The following ASAP3 variants were observed in gnomAD, a reference collection of about 807,000 sequenced individuals.
ASAP3 encodes arf-GAP with SH3 domain, ANK repeat and PH domain-containing protein 3.
A neutral mutation model predicts 118.2 loss-of-function variants in ASAP3; 85 were observed. That is an observed-to-expected ratio of 0.72 (90% CI 0.60 to 0.86). The LOEUF (loss-of-function observed/expected upper bound fraction) is 0.86, where lower values mean the gene tolerates loss of function less well. Ranked by LOEUF, ASAP3 falls within the 40% of genes least tolerant of loss-of-function variation. The probability of loss-of-function intolerance (pLI) is 0.00; values close to 1 mark genes in which losing one functional copy is unlikely to be tolerated. For synonymous variants in ASAP3, 432 were observed against 477.4 expected, an observed-to-expected ratio of 0.90 and a Z score of 1.24; for missense variants, 1,026 against 1,175.0, an observed-to-expected ratio of 0.87 and a Z score of 1.85.
At chr1:23,439,292 G>A in intron 10 of ASAP3, 62 bp from the exon 11 acceptor site, 2 of 1,541,280 alleles carry the variant, frequency 1.3e-6, no homozygotes, top group South Asian at 2.3e-5. Flanking sequence ...GCAGGTGTCA[G>A]AGAACAGAAA....
intron 1 of ASAP3, among the ~76,000 whole-genome samples, chr1:23,464,886 T>C (rs1450173407): frequency 2.9e-4 from 44 of 152,074 alleles, no homozygotes; most frequent in Admixed American, 2.9e-3. Context: ...TTCTAATGCA[T>C]GCTAAAGTTT....
Position 23,429,730 on chromosome 1 carries a change from G to T in ASAP3, c.*126C>A. 1.1e-6 allele frequency: 1 copy of T among 951,996 alleles called. No individual in the cohort carries two copies. The highest frequency in any genetic ancestry group is 1.5e-6 in the Non-Finnish European group (1 of 647,250). 59.0% of individuals were successfully genotyped at this position (951,996 alleles called of 1,614,324 possible). On this transcript the variant is annotated 3_prime_UTR_variant, in exon 25 of 25. Coordinates refer to ENST00000336689, the MANE Select transcript of ASAP3 (RefSeq NM_017707.4). ...TGTGGCAGGAAGAAGGCCAGCTACA[G>T]AGGCACAAGGGACAGAGAGAGTGAG...
At chr1:23,448,680 T>C (rs1641119997) in intron 5 of ASAP3, among the ~76,000 whole-genome samples, 1 of 152,148 alleles carries the variant, frequency 6.6e-6, no homozygotes, top group Non-Finnish European at 1.5e-5. Context: ...TTGCCCAGGC[T>C]GGTTTCGAAC....
chr1:23,467,689 C>T (rs546556645), intron 1 of ASAP3, among the ~76,000 whole-genome samples: 148 of 152,080 alleles, frequency 9.7e-4, no homozygotes, highest in Non-Finnish European at 1.6e-3. Flanking sequence ...TGGTGGCTCA[C>T]GCCTGTAATC....
chr1:23,441,608 A>G, intron 8 of ASAP3, 47 bp downstream of exon 8: 1 of 1,610,828 alleles, frequency 6.2e-7, no homozygotes, highest in Non-Finnish European at 8.5e-7. Flanking sequence ...ATTTTCCTGG[A>G]AGGACAGGGG....
chr1:23,436,760 C>T lies in ASAP3; in HGVS notation c.1477-106G>A. The T allele has an allele frequency of 6.4e-7, 1 of 1,551,418 alleles. No individual in the cohort carries two copies. The highest frequency in any genetic ancestry group is 8.8e-7 in the Non-Finnish European group (1 of 1,141,660). On this transcript the variant is annotated intron_variant, in intron 15 of 24. Coordinates refer to ENST00000336689, the MANE Select transcript of ASAP3 (RefSeq NM_017707.4). This position sits in a 1 kb window ranked among gnomAD's most constrained non-coding sequence, Gnocchi z 4.2. ...GAGTCCCGCCCCTCGGCCGCCCTCC[C>T]GGTTCAGGCCCCGCCCCTGACCACC... is the stretch of plus-strand genomic sequence containing the variant.
Position 23,438,774 on chromosome 1 carries a change from CCT to C in ASAP3, c.1073_1074del (p.Glu358GlyfsTer25). On this transcript the variant is annotated frameshift_variant, in exon 12 of 25. Transcript: ENST00000336689. LOFTEE classifies it high-confidence loss of function. The surrounding 1 kb of genome is among the most constrained non-coding windows in gnomAD (Gnocchi z 4.9). Reference sequence around the variant, plus strand: ...GTCACCAGGTCGAAGCACTTTTTCTCCTCAGGGTTTGGCCTCACTTGGCACGT... The same window carrying C: ...GTCACCAGGTCGAAGCACTTTTTCTCCAGGGTTTGGCCTCACTTGGCACGT... ...LLTCQVRPNP[E>X]EKKCFDLVTH... 1 of 1,614,156 alleles carries C rather than the reference CCT, an allele frequency of 6.2e-7. No homozygotes were observed. The highest frequency in any genetic ancestry group is 1.3e-5 in the African/African-American group (1 of 75,030).
At chr1:23,465,296 A>G (rs1570395098) in intron 1 of ASAP3, among the ~76,000 whole-genome samples, 1 of 152,248 alleles carries the variant, frequency 6.6e-6, no homozygotes, top group Non-Finnish European at 1.5e-5. Flanking sequence ...GGACCACAGC[A>G]GACCTCTGCC....
chr1:23,442,746 C>A, intron 5 of ASAP3, 134 bp from the exon 6 acceptor site: 3 of 1,346,104 alleles, frequency 2.2e-6, no homozygotes, highest in Non-Finnish European at 3.0e-6. Flanking sequence ...GGGCTGGGTA[C>A]AATGAACAAG....
chr1:23,465,307 G>A (rs1298824437), intron 1 of ASAP3, among the ~76,000 whole-genome samples: 3 of 152,124 alleles, frequency 2.0e-5, no homozygotes, highest in African/African-American at 4.8e-5. Flanking sequence ...GACCTCTGCC[G>A]CCGGGCAGGG....
chr1:23,457,217 T>C (rs965320264), intron 1 of ASAP3, among the ~76,000 whole-genome samples: 5 of 151,990 alleles, frequency 3.3e-5, no homozygotes, highest in African/African-American at 1.2e-4. Context: ...AACAGAACAG[T>C]GTTCCATCCA....
chr1:23,433,544 A>G lies in ASAP3; in HGVS notation c.2020-12T>C. ...TGGGCCTGCTCCAGCTGCCAAAAACAAAGGCTTGGTGGTTCAGAGGGTTGG... is the reference window on the plus strand; with the variant it reads ...TGGGCCTGCTCCAGCTGCCAAAAACGAAGGCTTGGTGGTTCAGAGGGTTGG... On this transcript the variant is annotated splice_polypyrimidine_tract_variant and intron_variant, in intron 20 of 24. Coordinates refer to ENST00000336689, the MANE Select transcript of ASAP3 (RefSeq NM_017707.4). 1 of 1,614,214 alleles carries G rather than the reference A, an allele frequency of 6.2e-7. No individual in the cohort carries two copies. The highest frequency in any genetic ancestry group is 8.5e-7 in the Non-Finnish European group (1 of 1,180,032).
At chr1:23,431,196 A>T in intron 23 of ASAP3, 71 bp from the exon 24 acceptor site, 1 of 1,469,326 alleles carries the variant, frequency 6.8e-7, no homozygotes, top group Non-Finnish European at 9.3e-7. Context: ...GAAAGGGCTC[A>T]GGAACAGAGC....
chr1:23,436,646 C>A lies in ASAP3; in HGVS notation c.1485G>T (p.Leu495Phe). 1 of 1,614,234 alleles carries A rather than the reference C, an allele frequency of 6.2e-7. No homozygotes were observed. The highest frequency in any genetic ancestry group is 8.5e-7 in the Non-Finnish European group (1 of 1,180,042). Reference protein sequence around the residue: ...LLGPSELLLALNMGNTSFNEV... With the variant: ...LLGPSELLLAFNMGNTSFNEV... ...CATTGAAGCTCGTGTTTCCCATGTT[C>A]AAGGCCAGCTGGAGTCGTAGGAAAA... The change falls in exon 16 of 25, where the codon TTG (leucine) becomes TTT (phenylalanine). Residue 495 changes from leucine (L) to phenylalanine (F), a missense_variant. Transcript: ENST00000336689. This position sits in a 1 kb window ranked among gnomAD's most constrained non-coding sequence, Gnocchi z 4.2.
Position 23,452,184 on chromosome 1 carries a change from G to A in ASAP3, c.423+513C>T, listed in dbSNP as rs919511321. Among the ~76,000 whole-genome samples the A allele has an allele frequency of 5.9e-5, 9 of 152,208 alleles. No homozygotes were observed. In the South Asian group the frequency reaches 6.2e-4, roughly 10 times the overall value. ...TGCCACGCTGGCAGCCTAGGGCAGGGAGGGAACCCTCTTGGGGGAGCACGG... is the reference window on the plus strand; with the variant it reads ...TGCCACGCTGGCAGCCTAGGGCAGGAAGGGAACCCTCTTGGGGGAGCACGG... On this transcript the variant is annotated intron_variant, in intron 4 of 24. Coordinates refer to ENST00000336689, the MANE Select transcript of ASAP3 (RefSeq NM_017707.4).
intron 1 of ASAP3, among the ~76,000 whole-genome samples, chr1:23,478,345 A>G (rs1025208612): frequency 6.6e-6 from 1 of 152,044 alleles, no homozygotes; most frequent in African/African-American, 2.4e-5. Context: ...GGCGCCTGTA[A>G]TCCCAGCTAC....
At chr1:23,483,881 C>G in intron 1 of ASAP3, 124 bp downstream of exon 1, 2 of 1,047,074 alleles carry the variant, frequency 1.9e-6, no homozygotes, top group Non-Finnish European at 2.4e-6. Context: ...TCCTCCCAGA[C>G]CTAGGGAGGG....
intron 10 of ASAP3, 42 bp from the exon 11 acceptor site, chr1:23,439,272 C>T (rs1183779790): frequency 3.1e-6 from 5 of 1,597,750 alleles, no homozygotes; most frequent in Non-Finnish European, 4.3e-6. Context: ...CCAAGGCTCA[C>T]ACCTAGTTCG....
At chr1:23,477,376 C>CAAAAAAAA (rs11367585) in intron 1 of ASAP3, among the ~76,000 whole-genome samples, 2 of 64,696 alleles carry the variant, frequency 3.1e-5, no homozygotes, top group East Asian at 4.8e-4. Flanking sequence ...GACTCCATCT[C>CAAAAAAAA]AAAAAAAAAA....
Sources: gnomAD v4.1 joint callset for allele counts (sites outside exome capture counted in the v4.1 genomes callset) on GRCh38, gnomAD v4.1.1 for gene constraint, Gnocchi (gnomAD v3.1) non-coding constraint, MANE v1.5 for transcripts, NCBI Gene and HGNC (gene_info 2026-07-23, HGNC 2026-07-21) for gene names.